DNAH9: variants seen among roughly 807,000 people sequenced by gnomAD.
DNAH9 encodes DNAH9 variant protein.
DNAH9 carries 345 observed loss-of-function variants against 471.6 expected under a neutral mutation model. That is an observed-to-expected ratio of 0.73 (90% CI 0.67 to 0.80). The LOEUF is 0.80. DNAH9 is among the 30% of genes least tolerant of loss of function. The probability of loss-of-function intolerance (pLI) is 0.00; values close to 1 mark genes in which losing one functional copy is unlikely to be tolerated. For synonymous variants in DNAH9, 2,093 were observed against 2,123.6 expected (o/e 0.99, Z 0.40); for missense variants, 5,407 against 5,609.2 (o/e 0.96, Z 1.15).
intron 49 of DNAH9, among the ~76,000 whole-genome samples, chr17:11,846,929 A>G (rs1263258875): frequency 4.1e-5 from 6 of 147,708 alleles, no homozygotes; most frequent in Non-Finnish European, 8.9e-5. Context: ...TTTTCTAGAT[A>G]TACAATCATG....
intron 49 of DNAH9, among the ~76,000 whole-genome samples, chr17:11,844,492 A>T (rs770991992): frequency 1.3e-5 from 2 of 152,000 alleles, no homozygotes; most frequent in Non-Finnish European, 2.9e-5. Context: ...TGCAACTTCC[A>T]CCTCCTGGAT....
At chr17:11,879,013 CAATT>C (rs892268136) in intron 53 of DNAH9, among the ~76,000 whole-genome samples, 10 of 152,208 alleles carry the variant, frequency 6.6e-5, no homozygotes, top group African/African-American at 2.4e-4. Context: ...ATTCTTTCCT[CAATT>C]AATTAGACAT....
rs1431597379 is a variant in DNAH9 at position 11,852,460 on chromosome 17, TG to T, written c.9508-1541del. 2.0e-5 allele frequency among the ~76,000 whole-genome samples: 3 copies of T among 152,204 alleles called. No homozygotes were observed. In the East Asian group the frequency reaches 5.8e-4, roughly 30 times the overall value. Reference sequence around the variant, plus strand: ...CTTCACATGGGAAATTTGTTTATATTGGCGGATCCCCTTGTGGCTCTTGTCC... The same window carrying T: ...CTTCACATGGGAAATTTGTTTATATTGCGGATCCCCTTGTGGCTCTTGTCC... On this transcript the variant is annotated intron_variant, in intron 49 of 68. Coordinates refer to ENST00000262442, the MANE Select transcript of DNAH9 (RefSeq NM_001372.4).
intron 67 of DNAH9, among the ~76,000 whole-genome samples, chr17:11,948,905 C>T (rs1168638742): frequency 6.6e-6 from 1 of 152,160 alleles, no homozygotes; most frequent in African/African-American, 2.4e-5. Flanking sequence ...GTGCTGCTGC[C>T]CTGTCCCCTG....
At chr17:11,946,490 T>C (rs1490945513) in intron 67 of DNAH9, among the ~76,000 whole-genome samples, 5 of 150,522 alleles carry the variant, frequency 3.3e-5, no homozygotes, top group East Asian at 2.0e-4. Flanking sequence ...GGTGAAACCC[T>C]GTCTCTACTA....
chr17:11,907,062 C>G (rs1013321856), intron 61 of DNAH9, among the ~76,000 whole-genome samples: 2 of 152,008 alleles, frequency 1.3e-5, no homozygotes, highest in Admixed American at 1.3e-4. Context: ...AACTTCAAAA[C>G]CAAAAAAACA....
chr17:11,714,882 G>A (rs2074932736), intron 26 of DNAH9, among the ~76,000 whole-genome samples: 1 of 152,092 alleles, frequency 6.6e-6, no homozygotes, highest in African/African-American at 2.4e-5. Flanking sequence ...ACCTGAATGA[G>A]CTTGGAAGTA....
chr17:11,830,766 A>T (rs1970660656), intron 48 of DNAH9, among the ~76,000 whole-genome samples: 1 of 152,264 alleles, frequency 6.6e-6, no homozygotes, highest in Non-Finnish European at 1.5e-5. Context: ...AAAGTCAAAG[A>T]TAGGGCTTAA....
chr17:11,599,711 G>T (rs1370172831), intron 1 of DNAH9, among the ~76,000 whole-genome samples: 1 of 152,166 alleles, frequency 6.6e-6, no homozygotes, highest in East Asian at 1.9e-4. Context: ...TGGAATGGGA[G>T]TAAACTGCCC....
chr17:11,756,739 CACGTAGT>C (rs1475483431), intron 34 of DNAH9, 63 bp downstream of exon 34: 6 of 1,057,270 alleles, frequency 5.7e-6, no homozygotes, highest in Admixed American at 3.6e-5. Flanking sequence ...TCTGGCTTCA[CACGTAGT>C]TTTGCTGGCT....
At chr17:11,826,362 G>GGA (rs982697117) in intron 48 of DNAH9, among the ~76,000 whole-genome samples, 2 of 150,276 alleles carry the variant, frequency 1.3e-5, no homozygotes. Flanking sequence ...GGAAGCTGGG[G>GGA]GGGTAATTTT....
At chr17:11,832,823 G>A (rs11869944) in intron 48 of DNAH9, among the ~76,000 whole-genome samples, 72,055 of 152,066 alleles carry the variant, frequency 0.47, 17,851 homozygotes, top group Non-Finnish European at 0.54. Flanking sequence ...GAGGCAAGAG[G>A]CCATTCTGGA....
chr17:11,854,135 A>G lies in DNAH9; in HGVS notation c.9640A>G (p.Thr3214Ala), dbSNP rs1477141460. ...KDRSWKAAKV[T>A]MAKVDGFLDS... ...CCGGAGCTGGAAGGCTGCTAAGGTC[A>G]CCATGGCCAAAGTGGATGGCTTCCT... The change falls in exon 50 of 69, where the codon ACC becomes GCC. Residue 3214 changes from threonine (T) to alanine (A), a missense_variant. This residue lies in a region of DNAH9 where 4,636 missense variants were observed against 4,900.3 expected (regional missense o/e 0.95). Coordinates refer to ENST00000262442, the MANE Select transcript of DNAH9 (RefSeq NM_001372.4). 9.3e-6 allele frequency: 15 copies of G among 1,614,058 alleles called. No homozygotes were observed. Among genetic ancestry groups the G allele is most frequent in the Non-Finnish European group, 1.1e-5 (13 of 1,180,040 alleles).
rs79380564 is a variant in DNAH9 at position 11,699,689 on chromosome 17, C to T, written c.4873-42C>T. On this transcript the variant is annotated intron_variant, in intron 22 of 68. Transcript: ENST00000262442. ...TAAACAATTCTAATAAGCAGCTTCC[C>T]GAACATGTTTTATGATCCATTGGCC... 2,449 of 1,596,034 alleles carry T rather than the reference C, an allele frequency of 1.5e-3. 45 individuals carry two copies. The African/African-American group carries it at 0.03, about 19-fold the overall frequency.
chr17:11,942,970 A>G (rs1485425913), intron 67 of DNAH9, among the ~76,000 whole-genome samples: 2 of 141,488 alleles, frequency 1.4e-5, no homozygotes, highest in South Asian at 2.2e-4. Flanking sequence ...ATCTCGGCTC[A>G]CTGCAAGCTC....
intron 53 of DNAH9, 150 bp from the exon 54 acceptor site, chr17:11,879,928 G>C: frequency 1.2e-6 from 1 of 810,748 alleles, no homozygotes; most frequent in Non-Finnish European, 1.9e-6. Flanking sequence ...ACTTTACATA[G>C]GGAAGAAATG....
At chr17:11,734,512 T>C (rs1039117466) in intron 28 of DNAH9, among the ~76,000 whole-genome samples, 1 of 152,088 alleles carries the variant, frequency 6.6e-6, no homozygotes, top group African/African-American at 2.4e-5. Flanking sequence ...CTGAGGACTG[T>C]AGAGTTTGGG....
At position 11,611,704 on chromosome 17, in the gene DNAH9, C is replaced by T. The variant is rs761483638; in HGVS notation, c.828C>T (p.Gly276=). 2 of 1,613,524 alleles carry T rather than the reference C, an allele frequency of 1.2e-6. No individual in the cohort carries two copies. Among genetic ancestry groups the T allele is most frequent in the African/African-American group, 2.7e-5 (2 of 74,922 alleles). The change falls in exon 4 of 69, where the codon GGC becomes GGT. Residue 276 remains glycine (G), a synonymous_variant. Transcript: ENST00000262442. ...YNQLRTITVR[G]MAKLLDKLQS... ...AACTGAGAACAATAACGGTGAGGGG[C>T]ATGGCCAAGCTCCTGGACAAGCTTC...
intron 28 of DNAH9, among the ~76,000 whole-genome samples, chr17:11,731,041 GTGATGA>G (rs1410503258): frequency 1.3e-5 from 2 of 149,394 alleles, no homozygotes; most frequent in Non-Finnish European, 3.0e-5. Context: ...GGTGGTGTCA[GTGATGA>G]TGGTGATGGT....
Sources: allele counts gnomAD v4.1 joint callset (sites outside exome capture counted in the v4.1 genomes callset), GRCh38; gene constraint gnomAD v4.1.1; regional missense constraint gnomAD v4.1.1; transcripts MANE v1.5; gene names NCBI Gene and HGNC (gene_info 2026-07-23, HGNC 2026-07-21).